HERC1: variants seen among roughly 807,000 people sequenced by gnomAD.
HERC1 encodes the protein HECT and RLD domain containing E3 ubiquitin protein ligase family member 1, also known as probable E3 ubiquitin-protein ligase HERC1.
A neutral mutation model predicts 554.3 loss-of-function variants in HERC1; 160 were observed. That is an observed-to-expected ratio of 0.29 (90% CI 0.25 to 0.33). HERC1 has a LOEUF of 0.33. HERC1 is among the 10% of genes least tolerant of loss of function. The probability of loss-of-function intolerance (pLI) is 1.00; values close to 1 mark genes in which losing one functional copy is unlikely to be tolerated. For synonymous variants in HERC1, 2,175 were observed against 2,131.7 expected (o/e 1.02, Z -0.56); for missense variants, 4,919 against 5,918.5 (o/e 0.83, Z 5.54).
chr15:63,640,673 C>G (rs902030915), intron 60 of HERC1, among the ~76,000 whole-genome samples: 1 of 152,182 alleles, frequency 6.6e-6, no homozygotes, highest in African/African-American at 2.4e-5. Context: ...AACCCTGGCA[C>G]ATTTATCAAA....
intron 27 of HERC1, among the ~76,000 whole-genome samples, chr15:63,695,679 C>A (rs536503434): frequency 6.6e-6 from 1 of 152,164 alleles, no homozygotes; most frequent in Non-Finnish European, 1.5e-5. Context: ...TGAGCCACCA[C>A]GCCCGGCCGA....
chr15:63,699,343 G>C (rs2072599638), intron 25 of HERC1, among the ~76,000 whole-genome samples: 1 of 152,172 alleles, frequency 6.6e-6, no homozygotes, highest in Non-Finnish European at 1.5e-5. Flanking sequence ...CATCATTTAT[G>C]AACAAAAAGG....
rs759639077 is a variant in HERC1 at position 63,725,325 on chromosome 15, T to A, written c.3535A>T (p.Ser1179Cys). ...TAYWMKTPLF[S>C]DGVEMDTPQL... The stretch of plus-strand genomic sequence containing the variant: ...GGAGTGTCCATTTCTACACCGTCAC[T>A]GAACAGTGGCGTTTTCATCCAATAT... The change falls in exon 18 of 78, where the codon AGT becomes TGT. Residue 1179 changes from serine (S) to cysteine (C), a missense_variant. Physicochemically the swap from Ser to Cys is moderately radical, Grantham distance 112. Around this residue, in one of 11 missense-constraint regions of HERC1, gnomAD observed 1,121 missense variants for 1,244.0 expected, o/e 0.90. Transcript: ENST00000443617. 1 of 1,613,970 alleles carries A rather than the reference T, an allele frequency of 6.2e-7. No individual in the cohort carries two copies. Among genetic ancestry groups the A allele is most frequent in the African/African-American group, 1.3e-5 (1 of 75,034 alleles).
chr15:63,665,988 C>T lies in HERC1; in HGVS notation c.8486G>A (p.Cys2829Tyr). 1.2e-6 allele frequency: 2 copies of T among 1,614,024 alleles called. No individual in the cohort carries two copies. Among genetic ancestry groups the T allele is most frequent in the East Asian group, 2.2e-5 (1 of 44,880 alleles). ...TATGTCTCCAGGTGACTGCAAATAACAGGGATCATTTGACTTCCCGCCACT... is the reference window on the plus strand; with the variant it reads ...TATGTCTCCAGGTGACTGCAAATAATAGGGATCATTTGACTTCCCGCCACT... ...LGSGGKSNDPCYLQSPGDIPS... is the reference protein window; with the variant it reads ...LGSGGKSNDPYYLQSPGDIPS... The change falls in exon 42 of 78, where the codon TGT becomes TAT. Residue 2829 changes from cysteine to tyrosine, a missense_variant. Physicochemically the swap from Cys to Tyr is radical, Grantham distance 194. Coordinates refer to ENST00000443617, the MANE Select transcript of HERC1 (RefSeq NM_003922.4).
chr15:63,786,941 T>TTTG (rs2076471906), intron 1 of HERC1, among the ~76,000 whole-genome samples: 2 of 150,694 alleles, frequency 1.3e-5, no homozygotes, highest in Non-Finnish European at 3.0e-5. Context: ...TTTTATTTTT[T>TTTG]GAGACGGAGT....
chr15:63,816,924 A>T (rs758609662), intron 1 of HERC1, among the ~76,000 whole-genome samples: 5 of 152,202 alleles, frequency 3.3e-5, no homozygotes, highest in Non-Finnish European at 5.9e-5. Context: ...AAGACCTTAC[A>T]TATCTCCCGA....
intron 31 of HERC1, among the ~76,000 whole-genome samples, chr15:63,691,836 T>C (rs983867659): frequency 6.6e-6 from 1 of 152,254 alleles, no homozygotes; most frequent in Non-Finnish European, 1.5e-5. Context: ...TTAATGTCAC[T>C]AAATTGTATA....
At chr15:63,796,247 A>G (rs536990706) in intron 1 of HERC1, among the ~76,000 whole-genome samples, 1 of 152,380 alleles carries the variant, frequency 6.6e-6, no homozygotes, top group South Asian at 2.1e-4. Flanking sequence ...TCATCCCTTA[A>G]GTCCATATGC....
intron 3 of HERC1, among the ~76,000 whole-genome samples, chr15:63,761,173 A>C (rs538095848): frequency 2.4e-4 from 37 of 152,344 alleles, no homozygotes; most frequent in African/African-American, 8.2e-4. Context: ...TTATTGAGAA[A>C]TCTACTAGAG....
In HERC1 at chr15:63,649,849, G is replaced by T. The variant is rs747994113; in HGVS notation, c.10623C>A (p.Ala3541=). 4 of 1,613,098 alleles carry T rather than the reference G, an allele frequency of 2.5e-6. No individual in the cohort carries two copies. In the Admixed American group the frequency reaches 6.7e-5, roughly 27 times the overall value. The change falls in exon 54 of 78, where the codon GCC becomes GCA. Residue 3541 remains alanine, a synonymous_variant. Transcript: ENST00000443617. The part of the protein sequence containing the change: ...LAWPEEGPAT[A]WSGESPELLL... Reference sequence around the variant, plus strand: ...ACAATTCTGGAGACTCTCCTGACCAGGCTGTAGCCGGACCCTCTTCTGGCC... The same window carrying T: ...ACAATTCTGGAGACTCTCCTGACCATGCTGTAGCCGGACCCTCTTCTGGCC...
At chr15:63,833,532 C>T (rs1343135707) in intron 1 of HERC1, among the ~76,000 whole-genome samples, 1 of 152,000 alleles carries the variant, frequency 6.6e-6, no homozygotes, top group East Asian at 1.9e-4. Flanking sequence ...AGGGGCGGGT[C>T]TCTCGGCCCT....
chr15:63,729,620 A>G lies in HERC1; in HGVS notation c.2898T>C (p.Asn966=), dbSNP rs2074191664. 1 of 1,613,754 alleles carries G rather than the reference A, an allele frequency of 6.2e-7. No homozygotes were observed. The highest frequency in any genetic ancestry group is 8.5e-7 in the Non-Finnish European group (1 of 1,179,772). The part of the protein sequence containing the change: ...TDQAFGELEK[N]SDKFLLGTSS... ...ATGTTCCAAGTAGAAATTTATCACTATTCTTTTCTAGCTCTCCAAATGCTT... is the reference window on the plus strand; with the variant it reads ...ATGTTCCAAGTAGAAATTTATCACTGTTCTTTTCTAGCTCTCCAAATGCTT... The change falls in exon 15 of 78, where the codon AAT becomes AAC. Residue 966 remains asparagine (N), a synonymous_variant. Transcript: ENST00000443617.
At chr15:63,771,407 T>A (rs975541663) in intron 2 of HERC1, among the ~76,000 whole-genome samples, 1 of 151,616 alleles carries the variant, frequency 6.6e-6, no homozygotes, top group Admixed American at 6.6e-5. Context: ...TTCCCCAGAA[T>A]AGATCTAGAA....
chr15:63,820,288 T>A (rs1266557617), intron 1 of HERC1, among the ~76,000 whole-genome samples: 1 of 152,110 alleles, frequency 6.6e-6, no homozygotes, highest in Non-Finnish European at 1.5e-5. Flanking sequence ...CCTCATTCTT[T>A]CCAAAAGAAT....
In HERC1 at chr15:63,713,533, C is replaced by T. The variant is rs1215194289; in HGVS notation, c.4283G>A (p.Ser1428Asn). Residue 1428 changes from serine (S) to asparagine (N), a missense_variant, in exon 23 of 78, where the codon AGC (serine) becomes AAC (asparagine). Ser to Asn is a conservative substitution (Grantham distance 46, BLOSUM62 1). Coordinates refer to ENST00000443617, the MANE Select transcript of HERC1 (RefSeq NM_003922.4). ...ATCCTGACCCTCAGGAAGGTCTGTGCTGACCCTTCGCTCTTGCTGAGACTG... is the reference window on the plus strand; with the variant it reads ...ATCCTGACCCTCAGGAAGGTCTGTGTTGACCCTTCGCTCTTGCTGAGACTG... ...PPQSQQERRV[S>N]TDLPEGQDVY... The T allele has an allele frequency of 6.2e-7, 1 of 1,613,868 alleles. No individual in the cohort carries two copies. The highest frequency in any genetic ancestry group is 1.3e-5 in the African/African-American group (1 of 74,936).
rs1175709176 is a variant in HERC1 at position 63,649,706 on chromosome 15, C to T, written c.10747+19G>A. 11 of 1,497,122 alleles carry T rather than the reference C, an allele frequency of 7.3e-6. No homozygotes were observed. Among genetic ancestry groups the T allele is most frequent in the South Asian group, 4.8e-5 (4 of 83,016 alleles). The allele number at this position is 1,497,122 out of a possible 1,614,324, so 92.7% of individuals were successfully genotyped here. ...GAAGTTGGAGACTCCGTCAGCTAGA[C>T]GTAAGTGCAGTCATTTACCATCCTT... is the stretch of plus-strand genomic sequence containing the variant. On this transcript the variant is annotated intron_variant, in intron 54 of 77. Transcript: ENST00000443617.
Position 63,680,254 on chromosome 15 carries a change from GA to G in HERC1, c.6466-95del. On this transcript the variant is annotated intron_variant, in intron 35 of 77. Coordinates refer to ENST00000443617, the MANE Select transcript of HERC1 (RefSeq NM_003922.4). This position sits in a 1 kb window ranked among gnomAD's most constrained non-coding sequence, Gnocchi z 5.8. Reference sequence around the variant, plus strand: ...ACATTAGAATTGAAAGCTTTTATGAGACAGAACAAAAGTTACTAGATCAAAT... The same window carrying G: ...ACATTAGAATTGAAAGCTTTTATGAGCAGAACAAAAGTTACTAGATCAAAT... 2 of 973,266 alleles carry G rather than the reference GA, an allele frequency of 2.1e-6. No individual in the cohort carries two copies. The highest frequency in any genetic ancestry group is 3.1e-6 in the Non-Finnish European group (2 of 647,516). 60.3% of individuals were successfully genotyped at this position (973,266 alleles called of 1,614,324 possible).
At chr15:63,748,036 G>T (rs1427656568) in intron 10 of HERC1, among the ~76,000 whole-genome samples, 178 bp from the exon 11 acceptor site, 2 of 152,046 alleles carry the variant, frequency 1.3e-5, no homozygotes, top group African/African-American at 4.8e-5. Context: ...GACCAGCCTG[G>T]CCAACATGGT....
rs7170608 is a variant in HERC1 at position 63,685,292 on chromosome 15, G to T, written c.6225+1067C>A. The stretch of plus-strand genomic sequence containing the variant: ...CAACTTAATTATTCAGACTGAACTG[G>T]GAGCACAGAGTGGAAGGCCCCATGG... On this transcript the variant is annotated intron_variant, in intron 34 of 77. Coordinates refer to ENST00000443617, the MANE Select transcript of HERC1 (RefSeq NM_003922.4). Among the ~76,000 whole-genome samples, 4 of 152,356 alleles carry T rather than the reference G, an allele frequency of 2.6e-5. No homozygotes were observed. The East Asian group carries it at 7.7e-4, about 29-fold the overall frequency.
Sources: gnomAD v4.1 joint callset for allele counts (sites outside exome capture counted in the v4.1 genomes callset) on GRCh38, gnomAD v4.1.1 for gene constraint, gnomAD v4.1.1 regional missense constraint, Gnocchi (gnomAD v3.1) non-coding constraint, MANE v1.5 for transcripts, NCBI Gene and HGNC (gene_info 2026-07-23, HGNC 2026-07-21) for gene names.